The following ANKFY1 variants were observed in gnomAD, a reference collection of about 807,000 sequenced individuals.
ANKFY1 encodes ankyrin repeat and FYVE domain-containing protein 1.
In ANKFY1, 47 loss-of-function variants were observed where a neutral mutation model predicts 128.3. The ratio of observed to expected loss-of-function variants is 0.37; its 90% CI spans 0.29 to 0.47. The LOEUF (loss-of-function observed/expected upper bound fraction) is 0.47. ANKFY1 is among the 20% of genes least tolerant of loss of function. ANKFY1 has a pLI of 1.00. For missense variants in ANKFY1, 1,222 were observed against 1,510.6 expected (o/e 0.81, Z 3.17); for synonymous variants, 553 against 601.6 (o/e 0.92, Z 1.18).
intron 17 of ANKFY1, 75 bp from the exon 18 acceptor site, chr17:4,179,132 T>A: frequency 6.7e-7 from 1 of 1,488,502 alleles, no homozygotes; most frequent in Non-Finnish European, 9.3e-7. Flanking sequence ...GGTATAACTT[T>A]TAAATCAAAT....
intron 3 of ANKFY1, among the ~76,000 whole-genome samples, chr17:4,233,982 C>T (rs182873982): frequency 6.6e-6 from 1 of 152,264 alleles, no homozygotes; most frequent in Non-Finnish European, 1.5e-5. Flanking sequence ...GATGATGGTC[C>T]CGTAAAATTA....
chr17:4,255,187 T>C (rs187758745), intron 1 of ANKFY1, among the ~76,000 whole-genome samples: 2 of 152,186 alleles, frequency 1.3e-5, no homozygotes, highest in East Asian at 3.9e-4. Context: ...TACACTCCTA[T>C]AGTTCTTCTA....
chr17:4,192,954 C>T (rs2059744745), intron 10 of ANKFY1, among the ~76,000 whole-genome samples: 1 of 152,006 alleles, frequency 6.6e-6, no homozygotes, highest in South Asian at 2.1e-4. Context: ...ATAGAAAAAA[C>T]AATCCTGAGC....
At chr17:4,245,235 C>T (rs184894283) in intron 1 of ANKFY1, among the ~76,000 whole-genome samples, 6 of 152,138 alleles carry the variant, frequency 3.9e-5, no homozygotes, top group South Asian at 2.1e-4. Context: ...CAGCCTGGAG[C>T]GCAGTGGCAC....
At chr17:4,261,872 G>A (rs1968437197) in intron 1 of ANKFY1, among the ~76,000 whole-genome samples, 1 of 152,176 alleles carries the variant, frequency 6.6e-6, no homozygotes, top group Non-Finnish European at 1.5e-5. Context: ...TCACTCCTGT[G>A]AGCAACAGCT....
intron 1 of ANKFY1, among the ~76,000 whole-genome samples, chr17:4,258,795 G>T (rs1968259607): frequency 6.6e-6 from 1 of 152,076 alleles, no homozygotes; most frequent in African/African-American, 2.4e-5. Context: ...AGTGACTATT[G>T]TGTTGGTCAA....
At chr17:4,204,872 AT>A (rs2059993545) in intron 7 of ANKFY1, among the ~76,000 whole-genome samples, 1 of 152,206 alleles carries the variant, frequency 6.6e-6, no homozygotes, top group Non-Finnish European at 1.5e-5. Context: ...AGGAAGATGC[AT>A]CTGCTCTTGA....
At chr17:4,263,057 A>AG (rs759501953) in intron 1 of ANKFY1, among the ~76,000 whole-genome samples, 12 of 152,200 alleles carry the variant, frequency 7.9e-5, no homozygotes, top group Non-Finnish European at 1.5e-4. Flanking sequence ...GGTGAAGAGG[A>AG]GAACCAGGCT....
intron 1 of ANKFY1, among the ~76,000 whole-genome samples, chr17:4,247,774 G>A (rs992969514): frequency 6.6e-6 from 1 of 152,270 alleles, no homozygotes; most frequent in Middle Eastern, 3.4e-3. Context: ...CTGGGATCAA[G>A]CCCAGCCCCA....
At chr17:4,203,423 G>A (rs753604103) in intron 7 of ANKFY1, among the ~76,000 whole-genome samples, 4 of 152,120 alleles carry the variant, frequency 2.6e-5, no homozygotes, top group Admixed American at 1.3e-4. Flanking sequence ...TATTCAGCCA[G>A]TAACCTTCAT....
rs1033818766 is a variant in ANKFY1, at chr17:4,167,542, A to G, written c.*237T>C. The G allele has an allele frequency of 3.3e-5, 13 of 399,464 alleles. No homozygotes were observed. Among genetic ancestry groups the G allele is most frequent in the East Asian group, 3.0e-4 (8 of 26,632 alleles). The allele number at this position is 399,464 out of a possible 1,614,324, so 24.7% of individuals were successfully genotyped here. On this transcript the variant is annotated 3_prime_UTR_variant, in exon 25 of 25. Transcript: ENST00000341657. The surrounding 1 kb of genome is among the most constrained non-coding windows in gnomAD (Gnocchi z 4.1). ...TAATCACATTTACCACTTAGGCCCA[A>G]TGGCCTGGTCTGATGAGTGAGACAT...
rs2143022052 is a variant in ANKFY1, at chr17:4,217,033, A to C, written c.408T>G (p.Thr136=). Reference sequence around the variant, plus strand: ...ACCGATTTGCTAGTTTCATCAGTTCAGTCAGGAACACATCATCCTCTCTGA... The same window carrying C: ...ACCGATTTGCTAGTTTCATCAGTTCCGTCAGGAACACATCATCCTCTCTGA... The part of the protein sequence containing the change: ...LEFREDDVFL[T]ELMKLANRFQ... Residue 136 remains threonine, a synonymous_variant, in exon 4 of 25, where the codon ACT becomes ACG. Coordinates refer to ENST00000341657, the MANE Select transcript of ANKFY1 (RefSeq NM_001330063.2). The C allele has an allele frequency of 6.2e-7, 1 of 1,614,196 alleles. No homozygotes were observed. Among genetic ancestry groups the C allele is most frequent in the Admixed American group, 1.7e-5 (1 of 60,020 alleles).
intron 14 of ANKFY1, among the ~76,000 whole-genome samples, chr17:4,182,661 C>T (rs1242514591): frequency 6.6e-6 from 1 of 152,244 alleles, no homozygotes; most frequent in East Asian, 1.9e-4. Flanking sequence ...CCTTCCCCCA[C>T]TCAGTCATTC....
At chr17:4,174,144 C>G in intron 19 of ANKFY1, 88 bp from the exon 20 acceptor site, 1 of 1,477,646 alleles carries the variant, frequency 6.8e-7, no homozygotes, top group Non-Finnish European at 9.2e-7. Context: ...TCTTCTGACA[C>G]CCACAGAGGC....
At chr17:4,248,011 G>C (rs1024420709) in intron 1 of ANKFY1, among the ~76,000 whole-genome samples, 43 of 152,156 alleles carry the variant, frequency 2.8e-4, no homozygotes, top group African/African-American at 9.9e-4. Flanking sequence ...CCCAGAGCTC[G>C]CATTCCAGAG....
At chr17:4,222,781 G>T in intron 3 of ANKFY1, 1 of 1,006,474 alleles carries the variant, frequency 9.9e-7, no homozygotes, top group South Asian at 1.3e-5. Flanking sequence ...CACCTTCATA[G>T]TATGAAAAGG....
chr17:4,229,644 A>G (rs1598114546), intron 3 of ANKFY1, among the ~76,000 whole-genome samples: 2 of 152,328 alleles, frequency 1.3e-5, no homozygotes, highest in East Asian at 1.9e-4. Context: ...AAAAACCCAA[A>G]AGCAGTATGA....
At chr17:4,193,786 G>A (rs933460054) in intron 10 of ANKFY1, among the ~76,000 whole-genome samples, 16 of 147,954 alleles carry the variant, frequency 1.1e-4, no homozygotes, top group African/African-American at 4.0e-4. Flanking sequence ...TTGAGATGGA[G>A]TCTTGCTCTG....
chr17:4,217,397 A>C (rs1384917624), intron 3 of ANKFY1, among the ~76,000 whole-genome samples: 1 of 152,160 alleles, frequency 6.6e-6, no homozygotes, highest in Non-Finnish European at 1.5e-5. Context: ...AAATACAAAA[A>C]AAATTAGCCG....
Sources: gnomAD v4.1 joint callset for allele counts (sites outside exome capture counted in the v4.1 genomes callset) on GRCh38, gnomAD v4.1.1 for gene constraint, Gnocchi (gnomAD v3.1) non-coding constraint, MANE v1.5 for transcripts, NCBI Gene and HGNC (gene_info 2026-07-23, HGNC 2026-07-21) for gene names.